CAMK2G: variants seen among roughly 807,000 people sequenced by gnomAD.
CAMK2G encodes calcium/calmodulin-dependent protein kinase type II subunit gamma.
A neutral mutation model predicts 88.7 loss-of-function variants in CAMK2G; 23 were observed. That is an observed-to-expected ratio of 0.26 (90% CI 0.19 to 0.37). The LOEUF (loss-of-function observed/expected upper bound fraction) is 0.37, where lower values mean the gene tolerates loss of function less well. Among genes scored for constraint, CAMK2G ranks in the 10% least tolerant of loss-of-function variants. The pLI, the probability that CAMK2G is intolerant of heterozygous loss-of-function variation, is 1.00. For missense variants in CAMK2G, 476 were observed against 780.8 expected, an observed-to-expected ratio of 0.61 and a Z score of 4.65; for synonymous variants, 263 against 294.8, an observed-to-expected ratio of 0.89 and a Z score of 1.11.
At chr10:73,858,709 C>T (rs111830317) in intron 3 of CAMK2G, among the ~76,000 whole-genome samples, 5 of 152,376 alleles carry the variant, frequency 3.3e-5, no homozygotes, top group African/African-American at 7.2e-5. Context: ...CGCCTGCCTC[C>T]ATTCTGAGCC....
chr10:73,848,310 G>A lies in CAMK2G; in HGVS notation c.601+216C>T, dbSNP rs17846952. Among the ~76,000 whole-genome samples, 1 of 152,194 alleles carries A rather than the reference G, an allele frequency of 6.6e-6. No individual in the cohort carries two copies. The highest frequency in any genetic ancestry group is 2.4e-5 in the African/African-American group (1 of 41,444). On this transcript the variant is annotated intron_variant, in intron 8 of 22. Coordinates refer to ENST00000423381, the MANE Select transcript of CAMK2G (RefSeq NM_001367534.1). This position sits in a 1 kb window ranked among gnomAD's most constrained non-coding sequence, Gnocchi z 4.5. ...TTAGGCACAACCCATCCTCTAAGGCGTGGGCAAATCCCTCTCCAAGAAGGA... is the reference window on the plus strand; with the variant it reads ...TTAGGCACAACCCATCCTCTAAGGCATGGGCAAATCCCTCTCCAAGAAGGA...
chr10:73,855,190 C>T (rs1591020870), intron 3 of CAMK2G, among the ~76,000 whole-genome samples: 1 of 152,304 alleles, frequency 6.6e-6, no homozygotes, highest in African/African-American at 2.4e-5. Context: ...CCATTGCCTC[C>T]GCCCCACTCA....
intron 21 of CAMK2G, 122 bp from the exon 22 acceptor site, chr10:73,815,369 G>GCCCCCCCCCCCCCCCCCCCCCCCCCCCCC (rs57601302): frequency 1.6e-6 from 1 of 619,308 alleles, no homozygotes; most frequent in Non-Finnish European, 2.8e-6. Context: ...TCCAAGTACC[G>GCCCCCCCCCCCCCCCCCCCCCCCCCCCCC]CCCCCCCCCA....
Position 73,819,638 on chromosome 10 carries a change from C to A in CAMK2G, c.1257G>T (p.Pro419=). ...TTEDEDLKAA[P]LRTGNGSSVP... is the part of the protein sequence containing the mutation. ...CCGAGCTGCCATTCCCAGTGCGGAG[C>A]GGGGCAGCTAGCCAGCCAGGGCAGG... The change falls in exon 19 of 23, where the codon CCG becomes CCT. Residue 419 remains proline, a synonymous_variant. Coordinates refer to ENST00000423381, the MANE Select transcript of CAMK2G (RefSeq NM_001367534.1). 6.5e-7 allele frequency: 1 copy of A among 1,539,680 alleles called. No individual in the cohort carries two copies. The highest frequency in any genetic ancestry group is 8.7e-7 in the Non-Finnish European group (1 of 1,144,628).
At chr10:73,816,181 A>G in intron 21 of CAMK2G, 1 of 985,536 alleles carries the variant, frequency 1.0e-6, no homozygotes, top group Non-Finnish European at 1.2e-6. Context: ...GTGATGATTC[A>G]GCTTCTTATC....
intron 5 of CAMK2G, among the ~76,000 whole-genome samples, chr10:73,850,591 C>T (rs1383736040): frequency 3.3e-5 from 5 of 152,236 alleles, no homozygotes; most frequent in Admixed American, 2.6e-4. Flanking sequence ...TGGCCTAAAA[C>T]GTTAGTAGCA....
At position 73,842,925 on chromosome 10, in the gene CAMK2G, C is replaced by T. The variant is rs113306545; in HGVS notation, c.820-384G>A. 4.5e-4 allele frequency among the ~76,000 whole-genome samples: 68 copies of T among 152,282 alleles called. No homozygotes were observed. Among genetic ancestry groups the T allele is most frequent in the Non-Finnish European group, 8.2e-4 (56 of 68,028 alleles). On this transcript the variant is annotated intron_variant, in intron 10 of 22. Coordinates refer to ENST00000423381, the MANE Select transcript of CAMK2G (RefSeq NM_001367534.1). This position sits in a 1 kb window ranked among gnomAD's most constrained non-coding sequence, Gnocchi z 4.6. The stretch of plus-strand genomic sequence containing the variant: ...TTCCAGATGCTCAGCAGCGAGAGAA[C>T]GGCAGGGTTCCTGCTCTCTACAGAG...
intron 21 of CAMK2G, chr10:73,816,361 C>T: frequency 2.0e-6 from 2 of 999,330 alleles, no homozygotes; most frequent in Middle Eastern, 5.1e-4. Context: ...TATTGTGAAA[C>T]CTGCAGACAC....
chr10:73,853,101 G>T, intron 4 of CAMK2G, 91 bp downstream of exon 4: 1 of 1,215,372 alleles, frequency 8.2e-7, no homozygotes, highest in Non-Finnish European at 1.2e-6. Context: ...CCTGGGCGGA[G>T]GCTGGAGAGC....
chr10:73,840,442 C>T (rs771259875), intron 12 of CAMK2G, among the ~76,000 whole-genome samples: 14 of 152,168 alleles, frequency 9.2e-5, no homozygotes, highest in Non-Finnish European at 1.8e-4. Flanking sequence ...CCTCTTTCTG[C>T]AGAAGCTTCC....
chr10:73,815,044 A>T lies in CAMK2G; in HGVS notation c.1738T>A (p.Ser580Thr). Residue 580 changes from serine to threonine, a missense_variant, in exon 22 of 23, where the codon TCA becomes ACA. Ser to Thr is a moderately conservative substitution (Grantham distance 58, BLOSUM62 1). This residue lies in a region of CAMK2G where 278 missense variants were observed against 366.5 expected (regional missense o/e 0.76). Transcript: ENST00000423381. The stretch of plus-strand genomic sequence containing the variant: ...TGCAGCGGTGCGGCAGGGGCCCCTG[A>T]GCAGTGATAGTGGACATTGAGCCAC... The part of the protein sequence containing the change: ...GKWLNVHYHC[S>T]GAPAAPLQ 1.2e-6 allele frequency: 2 copies of T among 1,613,816 alleles called. No individual in the cohort carries two copies. The highest frequency in any genetic ancestry group is 1.7e-5 in the Admixed American group (1 of 60,010).
At chr10:73,818,977 A>G (rs2133221626) in intron 19 of CAMK2G, 3 of 365,908 alleles carry the variant, frequency 8.2e-6, no homozygotes, top group South Asian at 2.0e-5. Flanking sequence ...TTATCTAACA[A>G]GGCTCTGAGG....
rs139813839 is a variant in CAMK2G, at chr10:73,826,599, C to G, written c.1087-1252G>C. On this transcript the variant is annotated intron_variant, in intron 15 of 22. Coordinates refer to ENST00000423381, the MANE Select transcript of CAMK2G (RefSeq NM_001367534.1). The stretch of plus-strand genomic sequence containing the variant: ...TAGTTCCCTAACCAGCGTACTCCAT[C>G]TCACTGAGTTCCAGTGGGGTTGGGG... Among the ~76,000 whole-genome samples the G allele has an allele frequency of 2.7e-3, 418 of 152,360 alleles. 2 individuals carry two copies. The highest frequency in any genetic ancestry group is 0.01 in the Middle Eastern group (3 of 294).
intron 4 of CAMK2G, 88 bp from the exon 5 acceptor site, chr10:73,852,407 G>A: frequency 9.3e-7 from 1 of 1,074,446 alleles, no homozygotes. Context: ...TCACCCTGTA[G>A]AATGGCTTTC....
Position 73,839,032 on chromosome 10 carries a change from G to C in CAMK2G, c.1009+507C>G, listed in dbSNP as rs1006964492. Among the ~76,000 whole-genome samples the C allele has an allele frequency of 6.6e-6, 1 of 152,218 alleles. No homozygotes were observed. Among genetic ancestry groups the C allele is most frequent in the Non-Finnish European group, 1.5e-5 (1 of 68,032 alleles). The stretch of plus-strand genomic sequence containing the variant: ...GGAGAGCTGGTGTGACTCGCTCAGG[G>C]TGTGGCAGGGCTAGGATGTGAACCC... On this transcript the variant is annotated intron_variant, in intron 13 of 22. Coordinates refer to ENST00000423381, the MANE Select transcript of CAMK2G (RefSeq NM_001367534.1). The surrounding 1 kb of genome is among the most constrained non-coding windows in gnomAD (Gnocchi z 4.2).
intron 18 of CAMK2G, among the ~76,000 whole-genome samples, chr10:73,820,490 A>ATTTTTT (rs1458257825): frequency 1.7e-4 from 9 of 53,160 alleles, no homozygotes; most frequent in African/African-American, 5.1e-4. Context: ...ATATATATAT[A>ATTTTTT]TATTTTTTTT....
chr10:73,817,454 CAA>C, intron 20 of CAMK2G, 23 bp downstream of exon 20: 9 of 1,473,140 alleles, frequency 6.1e-6, no homozygotes, highest in Non-Finnish European at 8.5e-6. Context: ...ACTTAGGTCA[CAA>C]AAAAAAATGG....
In CAMK2G at chr10:73,812,973, A is replaced by C. The variant is rs901964246; in HGVS notation, c.*1545T>G. 6.5e-6 allele frequency: 1 copy of C among 152,730 alleles called. No homozygotes were observed. The highest frequency in any genetic ancestry group is 1.5e-5 in the Non-Finnish European group (1 of 68,082). The allele number at this position is 152,730 out of a possible 1,614,324, so 9.5% of individuals were successfully genotyped here. Reference sequence around the variant, plus strand: ...CTCTCTTCTCAGCTGGCTCCCAAGTAAACCTGTAGCTTTGCCTCTTCTCCC... The same window carrying C: ...CTCTCTTCTCAGCTGGCTCCCAAGTCAACCTGTAGCTTTGCCTCTTCTCCC... On this transcript the variant is annotated 3_prime_UTR_variant, in exon 23 of 23. Coordinates refer to ENST00000423381, the MANE Select transcript of CAMK2G (RefSeq NM_001367534.1).
At chr10:73,828,345 T>C (rs2091654324) in intron 14 of CAMK2G, among the ~76,000 whole-genome samples, 1 of 152,178 alleles carries the variant, frequency 6.6e-6, no homozygotes, top group South Asian at 2.1e-4. Context: ...GTCAGGTTCA[T>C]AGACACAGAT....
Sources: gnomAD v4.1 joint callset for allele counts (sites outside exome capture counted in the v4.1 genomes callset) on GRCh38, gnomAD v4.1.1 for gene constraint, gnomAD v4.1.1 regional missense constraint, Gnocchi (gnomAD v3.1) non-coding constraint, MANE v1.5 for transcripts, NCBI Gene and HGNC (gene_info 2026-07-23, HGNC 2026-07-21) for gene names.